Variants in CLASP1 observed in about 807,000 individuals in gnomAD.
CLASP1 encodes the protein CLIP-associating protein 1.
CLASP1 carries 38 observed loss-of-function variants against 192.3 expected under a neutral mutation model. The observed-to-expected ratio is 0.20, with a 90% CI of 0.15 to 0.26. The LOEUF (loss-of-function observed/expected upper bound fraction) is 0.26, where lower values mean the gene tolerates loss of function less well. Ranked by LOEUF, CLASP1 falls within the 10% of genes least tolerant of loss-of-function variation. CLASP1 has a pLI of 1.00. For missense variants in CLASP1, 1,433 were observed against 1,932.5 expected, an observed-to-expected ratio of 0.74 and a Z score of 4.85; for synonymous variants, 691 against 712.8, an observed-to-expected ratio of 0.97 and a Z score of 0.49.
chr2:121,452,491 A>G (rs1444910712), intron 14 of CLASP1, among the ~76,000 whole-genome samples: 1 of 152,170 alleles, frequency 6.6e-6, no homozygotes, highest in East Asian at 1.9e-4. Flanking sequence ...TTCTACCTCT[A>G]CAAAATTTTC....
chr2:121,643,828 G>C (rs2072609644), intron 1 of CLASP1, among the ~76,000 whole-genome samples: 1 of 152,170 alleles, frequency 6.6e-6, no homozygotes, highest in Non-Finnish European at 1.5e-5. Context: ...TATCACGAAT[G>C]TAAAGTGCAG....
At chr2:121,353,508 C>G (rs1014913565) in intron 37 of CLASP1, among the ~76,000 whole-genome samples, 1 of 152,190 alleles carries the variant, frequency 6.6e-6, no homozygotes, top group Non-Finnish European at 1.5e-5. Context: ...TCTCCCTGCC[C>G]ACACCCTGCC....
intron 30 of CLASP1, among the ~76,000 whole-genome samples, chr2:121,390,663 A>C (rs993878166): frequency 1.3e-5 from 2 of 152,218 alleles, no homozygotes; most frequent in Admixed American, 1.3e-4. Flanking sequence ...TGTTTGTATT[A>C]ATTTGGGAAA....
chr2:121,605,956 G>A, exon 2 of CLASP1: 1 of 1,494,810 alleles, frequency 6.7e-7, no homozygotes, highest in Non-Finnish European at 9.2e-7. Context: ...CTCCCTCCCA[G>A]CAGACGTATC....
chr2:121,378,499 T>C (rs2070813902), intron 33 of CLASP1, among the ~76,000 whole-genome samples: 1 of 152,144 alleles, frequency 6.6e-6, no homozygotes, highest in Non-Finnish European at 1.5e-5. Flanking sequence ...ACAAGTGCCT[T>C]TTAGATGTCT....
intron 24 of CLASP1, among the ~76,000 whole-genome samples, chr2:121,410,006 T>C (rs746704466): frequency 1.3e-5 from 2 of 152,164 alleles, no homozygotes; most frequent in African/African-American, 2.4e-5. Flanking sequence ...ACCATAGCCA[T>C]AAACTATAAA....
At chr2:121,374,994 G>C (rs2069679869) in intron 34 of CLASP1, among the ~76,000 whole-genome samples, 1 of 152,174 alleles carries the variant, frequency 6.6e-6, no homozygotes, top group Non-Finnish European at 1.5e-5. Context: ...TGAAATGTGA[G>C]GTGATGAGAT....
chr2:121,573,568 A>C (rs895331737), intron 2 of CLASP1, among the ~76,000 whole-genome samples: 2 of 152,206 alleles, frequency 1.3e-5, no homozygotes, highest in East Asian at 3.8e-4. Context: ...TTACCCTGTC[A>C]CTTCAAATCT....
chr2:121,363,558 G>A (rs1487868585), intron 36 of CLASP1, among the ~76,000 whole-genome samples: 4 of 152,220 alleles, frequency 2.6e-5, no homozygotes, highest in Admixed American at 6.5e-5. Flanking sequence ...ACTGAGAAAA[G>A]CTACTTGAAC....
chr2:121,633,766 G>A (rs1262877011), intron 1 of CLASP1, among the ~76,000 whole-genome samples: 5 of 152,058 alleles, frequency 3.3e-5, no homozygotes, highest in South Asian at 2.1e-4. Context: ...CAGCACTTTC[G>A]GAGGCAGAGG....
chr2:121,519,459 A>G (rs2094406549), intron 6 of CLASP1, among the ~76,000 whole-genome samples: 1 of 152,238 alleles, frequency 6.6e-6, no homozygotes, highest in African/African-American at 2.4e-5. Context: ...GAGGAATGGT[A>G]GCACAGCTTT....
At chr2:121,482,777 C>A (rs533969146) in intron 8 of CLASP1, among the ~76,000 whole-genome samples, 2 of 152,176 alleles carry the variant, frequency 1.3e-5, no homozygotes, top group Non-Finnish European at 2.9e-5. Flanking sequence ...TCCATAGAAA[C>A]GTCCACCATT....
chr2:121,590,750 C>T (rs1202367448), intron 2 of CLASP1, among the ~76,000 whole-genome samples: 1 of 152,108 alleles, frequency 6.6e-6, no homozygotes, highest in Non-Finnish European at 1.5e-5. Context: ...AGGTTGTTCC[C>T]AAGCTATATG....
intron 2 of CLASP1, among the ~76,000 whole-genome samples, chr2:121,601,513 G>A (rs554035337): frequency 2.0e-5 from 3 of 152,092 alleles, no homozygotes; most frequent in East Asian, 3.9e-4. Flanking sequence ...CTCGTGATCC[G>A]CCTGCCTCGG....
chr2:121,365,328 C>T (rs1479759506), intron 35 of CLASP1, 44 bp from the exon 37 acceptor site: 1 of 1,553,772 alleles, frequency 6.4e-7, no homozygotes, highest in Non-Finnish European at 8.8e-7. Flanking sequence ...GAGGAAATGC[C>T]CAGCACAGGG....
intron 35 of CLASP1, among the ~76,000 whole-genome samples, chr2:121,367,296 G>T (rs2067600141): frequency 6.6e-6 from 1 of 152,188 alleles, no homozygotes; most frequent in South Asian, 2.1e-4. Flanking sequence ...CCTTCCTGAT[G>T]GTAGAGTTGG....
At chr2:121,546,663 G>C (rs2057460640) in intron 2 of CLASP1, among the ~76,000 whole-genome samples, 1 of 152,076 alleles carries the variant, frequency 6.6e-6, no homozygotes, top group African/African-American at 2.4e-5. Flanking sequence ...GTCTGACACA[G>C]AGCTACATGG....
intron 9 of CLASP1, among the ~76,000 whole-genome samples, chr2:121,467,757 C>A (rs2089934812): frequency 6.6e-6 from 1 of 152,170 alleles, no homozygotes; most frequent in South Asian, 2.1e-4. Flanking sequence ...AGTGTTCTCT[C>A]TGATGACAGT....
chr2:121,578,108 T>TG (rs1358801695), intron 2 of CLASP1, among the ~76,000 whole-genome samples: 3 of 152,054 alleles, frequency 2.0e-5, no homozygotes, highest in Non-Finnish European at 2.9e-5. Flanking sequence ...AATTTTTAAA[T>TG]TTTTTATAGA....
Sources: allele counts gnomAD v4.1 joint callset (sites outside exome capture counted in the v4.1 genomes callset), GRCh38; gene constraint gnomAD v4.1.1; transcripts MANE v1.5; gene names NCBI Gene and HGNC (gene_info 2026-07-23, HGNC 2026-07-21).